Variants in NIBAN3 observed in about 807,000 individuals in gnomAD.
The protein encoded by NIBAN3 is protein Niban 3.
Under a neutral mutation model 76.4 loss-of-function variants are expected in NIBAN3, and 66 were observed. The observed-to-expected ratio is 0.86, with a 90% CI of 0.71 to 1.06. The LOEUF is 1.06. NIBAN3 is among the 50% of genes least tolerant of loss of function. The pLI, the probability that NIBAN3 is intolerant of heterozygous loss-of-function variation, is 0.00. For missense variants in NIBAN3, 808 were observed against 810.7 expected, an observed-to-expected ratio of 1.00 and a Z score of 0.04; for synonymous variants, 360 against 355.2, an observed-to-expected ratio of 1.01 and a Z score of -0.15.
intron 8 of NIBAN3, 109 bp from the exon 9 acceptor site, chr19:17,540,283 G>C: frequency 1.4e-6 from 1 of 720,994 alleles, no homozygotes; most frequent in Non-Finnish European, 2.1e-6. Flanking sequence ...ATGGGTAGAA[G>C]AGGGCGCTCA....
upstream of NIBAN3, chr19:17,523,401 C>T (rs1346072054): frequency 1.9e-6 from 3 of 1,539,842 alleles, no homozygotes; most frequent in African/African-American, 2.7e-5. Context: ...AACGTCTTGT[C>T]CCGGCAGGCC....
upstream of NIBAN3, chr19:17,523,608 G>A (rs1363492747): frequency 3.2e-6 from 2 of 617,402 alleles, no homozygotes; most frequent in Non-Finnish European, 5.6e-6. Flanking sequence ...GGATGGTTGT[G>A]CCTGGGGCTG....
chr19:17,549,957 C>T, intron 14 of NIBAN3: 1 of 342,052 alleles, frequency 2.9e-6, no homozygotes, highest in South Asian at 9.2e-5. Flanking sequence ...GCTGGGACTA[C>T]AGGCGGCACA....
At chr19:17,524,233 C>G (rs947351587), upstream of NIBAN3, among the ~76,000 whole-genome samples, 5 of 151,706 alleles carry the variant, frequency 3.3e-5, no homozygotes, top group Non-Finnish European at 1.5e-5. Flanking sequence ...TGCCCATCCT[C>G]TATCCCCTCC....
chr19:17,525,621 C>T (rs2075598247), upstream of NIBAN3, among the ~76,000 whole-genome samples: 1 of 152,076 alleles, frequency 6.6e-6, no homozygotes, highest in Non-Finnish European at 1.5e-5. Context: ...AGGCACTGGA[C>T]AAGACCGCGG....
intron 4 of NIBAN3, among the ~76,000 whole-genome samples, chr19:17,535,823 G>A (rs1382992204): frequency 1.3e-5 from 2 of 151,372 alleles, no homozygotes; most frequent in East Asian, 1.9e-4. Context: ...AGGATCACTC[G>A]AGCCTAGGAG....
Position 17,551,935 on chromosome 19 carries a change from A to G in NIBAN3, c.*37A>G. 1 of 744,698 alleles carries G rather than the reference A, an allele frequency of 1.3e-6. No individual in the cohort carries two copies. The highest frequency in any genetic ancestry group is 1.4e-5 in the South Asian group (1 of 72,008). The allele number at this position is 744,698 out of a possible 1,614,324, so 46.1% of individuals were successfully genotyped here. ...CATCTATCTTGTTTCTATTGGATAA[A>G]TGTCTACAAGTGGAATTTCTGGGCC... is the stretch of plus-strand genomic sequence containing the variant. On this transcript the variant is annotated 3_prime_UTR_variant, in exon 15 of 15. Transcript: ENST00000599164.
intron 8 of NIBAN3, chr19:17,540,038 A>G (rs2075915532): frequency 2.2e-6 from 1 of 447,582 alleles, no homozygotes; most frequent in Non-Finnish European, 4.0e-6. Context: ...CTTGGATACA[A>G]AAAGGGCGGG....
chr19:17,525,769 G>A (rs1442222366), upstream of NIBAN3, among the ~76,000 whole-genome samples: 1 of 152,120 alleles, frequency 6.6e-6, no homozygotes, highest in African/African-American at 2.4e-5. Flanking sequence ...AGCACGGAGA[G>A]TTTTGGGGTG....
Position 17,543,563 on chromosome 19 carries a change from A to T in NIBAN3, c.1486A>T (p.Ile496Phe), listed in dbSNP as rs1419528037. ...CAGCGGGTTGGCGCAGAGGAGGTTCATCCGAGGCTGGGGTCTCTGCATCTT... is the reference window on the plus strand; with the variant it reads ...CAGCGGGTTGGCGCAGAGGAGGTTCTTCCGAGGCTGGGGTCTCTGCATCTT... ...SDSGLAQRRF[I>F]RGWGLCIFLP... The change falls in exon 12 of 15, where the codon ATC becomes TTC. Residue 496 changes from isoleucine to phenylalanine, a missense_variant. Transcript: ENST00000599164. 1 of 1,614,034 alleles carries T rather than the reference A, an allele frequency of 6.2e-7. No individual in the cohort carries two copies. Among genetic ancestry groups the T allele is most frequent in the Admixed American group, 1.7e-5 (1 of 59,970 alleles).
chr19:17,529,463 C>T (rs557377796), intron 1 of NIBAN3, among the ~76,000 whole-genome samples: 16 of 152,238 alleles, frequency 1.1e-4, no homozygotes, highest in African/African-American at 2.2e-4. Flanking sequence ...GTCCACATTC[C>T]GGGCAGCAGA....
chr19:17,527,122 G>A (rs930066619), upstream of NIBAN3: 76 of 1,202,706 alleles, frequency 6.3e-5, no homozygotes, highest in Non-Finnish European at 8.1e-5. Flanking sequence ...ACCTAACCCC[G>A]GGGCTGTCCC....
upstream of NIBAN3, chr19:17,527,198 G>C: frequency 6.5e-7 from 1 of 1,542,622 alleles, no homozygotes; most frequent in South Asian, 1.2e-5. Flanking sequence ...GAGGACGCAG[G>C]TGCAGCGTGG....
chr19:17,554,797 A>AT (rs112224171), downstream of NIBAN3, among the ~76,000 whole-genome samples: 5 of 138,138 alleles, frequency 3.6e-5, no homozygotes, highest in East Asian at 2.0e-4. Context: ...AAAAAAAAGA[A>AT]AATAATAATA....
rs181229319 is a variant in NIBAN3, at chr19:17,545,782, C to T, written c.1555-904C>T. 94 of 212,740 alleles carry T rather than the reference C, an allele frequency of 4.4e-4. 1 individual carries two copies. Among genetic ancestry groups the T allele is most frequent in the Non-Finnish European group, 7.4e-4 (74 of 100,306 alleles). 13.2% of individuals were successfully genotyped at this position (212,740 alleles called of 1,614,324 possible). A position where few individuals can be genotyped will look rare whatever the true frequency, so the allele number is the denominator to read the frequency against. On this transcript the variant is annotated intron_variant, in intron 12 of 14. Transcript: ENST00000599164. ...AGGTGTACAGGATGGAACACGAAGG[C>T]GGACTAGGAGCGAGACCACTGAAGC...
intron 14 of NIBAN3, 127 bp from the exon 15 acceptor site, chr19:17,551,659 G>C (rs375892709): frequency 3.6e-5 from 19 of 533,270 alleles, no homozygotes; most frequent in South Asian, 2.6e-4. Context: ...CCAGAGTGCT[G>C]GGATTACAGG....
intron 5 of NIBAN3, among the ~76,000 whole-genome samples, chr19:17,538,397 C>G (rs143327282): frequency 0.051 from 7,149 of 140,894 alleles, 176 homozygotes; most frequent in South Asian, 0.085. Flanking sequence ...GCCTGGGCAA[C>G]AGAGTGAGAC....
At chr19:17,529,962 G>C (rs1027845558) in intron 1 of NIBAN3, among the ~76,000 whole-genome samples, 9 of 152,000 alleles carry the variant, frequency 5.9e-5, no homozygotes, top group African/African-American at 2.2e-4. Flanking sequence ...GAGTGGGGCT[G>C]AGGTGGGAGG....
intron 13 of NIBAN3, among the ~76,000 whole-genome samples, chr19:17,547,950 A>T (rs2076090461): frequency 6.6e-6 from 1 of 152,176 alleles, no homozygotes; most frequent in South Asian, 2.1e-4. Context: ...CCGGCGTGAG[A>T]GACATCGTCT....
Sources: gnomAD v4.1 joint callset for allele counts (sites outside exome capture counted in the v4.1 genomes callset) on GRCh38, gnomAD v4.1.1 for gene constraint, MANE v1.5 for transcripts, NCBI Gene and HGNC (gene_info 2026-07-23, HGNC 2026-07-21) for gene names.